SETX: variants seen among roughly 807,000 people sequenced by gnomAD.
The protein encoded by SETX is helicase senataxin.
SETX carries 90 observed loss-of-function variants against 227.2 expected under a neutral mutation model. The ratio of observed to expected loss-of-function variants is 0.40; its 90% CI spans 0.33 to 0.47. The LOEUF (loss-of-function observed/expected upper bound fraction) is 0.47. SETX is among the 20% of genes least tolerant of loss of function. The pLI is 0.91. For synonymous variants in SETX, 1,210 were observed against 1,113.2 expected, an observed-to-expected ratio of 1.09 and a Z score of -1.73; for missense variants, 3,052 against 3,181.5, an observed-to-expected ratio of 0.96 and a Z score of 0.98.
At chr9:132,268,961 T>C (rs1192388360) in intron 25 of SETX, among the ~76,000 whole-genome samples, 1 of 151,902 alleles carries the variant, frequency 6.6e-6, no homozygotes, top group Non-Finnish European at 1.5e-5. Flanking sequence ...AGCCACCAAG[T>C]TGGCTCTTCT....
chr9:132,267,761 T>G (rs1446689294), intron 25 of SETX, among the ~76,000 whole-genome samples: 1 of 152,190 alleles, frequency 6.6e-6, no homozygotes, highest in Non-Finnish European at 1.5e-5. Context: ...AAACGGAATG[T>G]GAAAAAGGGT....
chr9:132,327,266 A>T lies in SETX; in HGVS notation c.4332T>A (p.Ser1444=). The change falls in exon 10 of 26, where the codon TCT becomes TCA. Residue 1444 remains serine, a synonymous_variant. Coordinates refer to ENST00000224140, the MANE Select transcript of SETX (RefSeq NM_015046.7). ...TTGGTACTGTTCCATTTAACACTAC[A>T]GAATCACACTGGTTCAAAGGGCAAG... ...DDACPLNQCD[S]VVLNGTVPTN... is the part of the protein sequence containing the mutation. The T allele has an allele frequency of 1.2e-6, 2 of 1,614,212 alleles. No homozygotes were observed. Among genetic ancestry groups the T allele is most frequent in the Admixed American group, 1.7e-5 (1 of 60,030 alleles).
chr9:132,267,128 A>G (rs574528976), intron 25 of SETX, among the ~76,000 whole-genome samples: 39 of 152,378 alleles, frequency 2.6e-4, no homozygotes, highest in African/African-American at 9.4e-4. Context: ...ATAGTGGTGT[A>G]TATTATAATG....
intron 15 of SETX, among the ~76,000 whole-genome samples, chr9:132,292,611 A>G (rs1414374837): frequency 2.0e-5 from 3 of 151,402 alleles, no homozygotes; most frequent in Middle Eastern, 3.2e-3. Context: ...GAATAACAAA[A>G]AAGTTCCCAA....
chr9:132,319,912 C>T (rs1447699503), intron 10 of SETX, among the ~76,000 whole-genome samples: 1 of 152,048 alleles, frequency 6.6e-6, no homozygotes, highest in Non-Finnish European at 1.5e-5. Context: ...TCCATGCAAC[C>T]TACAATGACC....
Position 132,336,014 on chromosome 9 carries a change from G to C in SETX, c.718+282C>G, listed in dbSNP as rs928690287. Among the ~76,000 whole-genome samples, 5 of 152,092 alleles carry C rather than the reference G, an allele frequency of 3.3e-5. No individual in the cohort carries two copies. The South Asian group carries it at 6.2e-4, about 19-fold the overall frequency. ...CCCAGCACTTTAGGAGGCCAGGGTG[G>C]GCAGATCACTTGATGTCAGGAGTTC... On this transcript the variant is annotated intron_variant, in intron 6 of 25. Transcript: ENST00000224140.
chr9:132,289,381 TCTC>T (rs937082421), intron 15 of SETX, among the ~76,000 whole-genome samples: 5 of 152,170 alleles, frequency 3.3e-5, no homozygotes, highest in African/African-American at 1.2e-4. Flanking sequence ...GACACACGGC[TCTC>T]CTTTCACCAT....
At chr9:132,320,010 C>A (rs1846219474) in intron 10 of SETX, among the ~76,000 whole-genome samples, 1 of 152,134 alleles carries the variant, frequency 6.6e-6, no homozygotes, top group African/African-American at 2.4e-5. Context: ...CCACAACTGA[C>A]TGCAAAAAAT....
rs1171607089 is a variant in SETX at position 132,269,695 on chromosome 9, C to T, written c.7207G>A (p.Ala2403Thr). The T allele has an allele frequency of 6.2e-7, 1 of 1,614,066 alleles. No individual in the cohort carries two copies. The highest frequency in any genetic ancestry group is 1.1e-5 in the South Asian group (1 of 91,084). The change falls in exon 25 of 26, where the codon GCA (alanine) becomes ACA (threonine). Residue 2403 changes from alanine to threonine, a missense_variant. Transcript: ENST00000224140. ...NSIQGSIGFL[A>T]SLQRLNVTIT... The stretch of plus-strand genomic sequence containing the variant: ...GTGACATTCAATCTCTGCAAACTTG[C>T]CAGGAATCTAGGCAATAAAAAAAGA...
Position 132,346,011 on chromosome 9 carries a change from CCT to C in SETX, c.388+248_388+249del, listed in dbSNP as rs565101896. On this transcript the variant is annotated intron_variant, in intron 4 of 25. Transcript: ENST00000224140. ...TTCGGCCTAGGAGACACAGCAAGACCCTGTCTCTAAAAAAAAATAAAAACAAT... is the reference window on the plus strand; with the variant it reads ...TTCGGCCTAGGAGACACAGCAAGACCGTCTCTAAAAAAAAATAAAAACAAT... Among the ~76,000 whole-genome samples the C allele has an allele frequency of 1.0e-3, 155 of 152,086 alleles. 1 individual carries two copies. The highest frequency in any genetic ancestry group is 3.4e-3 in the Middle Eastern group (1 of 294).
At chr9:132,281,127 T>C (rs1843477549) in intron 20 of SETX, among the ~76,000 whole-genome samples, 1 of 152,230 alleles carries the variant, frequency 6.6e-6, no homozygotes, top group African/African-American at 2.4e-5. Flanking sequence ...TTGGTGTTTG[T>C]ATGATTAAAA....
chr9:132,309,133 A>C (rs758929296), intron 11 of SETX, among the ~76,000 whole-genome samples: 21 of 152,176 alleles, frequency 1.4e-4, no homozygotes, highest in Non-Finnish European at 2.5e-4. Flanking sequence ...GCAAGATTCC[A>C]TCTCAAAAAA....
chr9:132,319,701 C>T (rs1225983063), intron 10 of SETX, among the ~76,000 whole-genome samples: 1 of 152,178 alleles, frequency 6.6e-6, no homozygotes, highest in African/African-American at 2.4e-5. Flanking sequence ...TCATTTCTGC[C>T]TATTTGTTTC....
rs1311693903 is a variant in SETX, at chr9:132,328,809, C to G, written c.2789G>C (p.Ser930Thr). ...PESRDEEMSN[S>T]TSVIYSNLTR... ...CAAGTTAGAATAAATCACACTGGTA[C>G]TATTACTCATCTCCTCATCTCTTGA... The change falls in exon 10 of 26, where the codon AGT becomes ACT. Residue 930 changes from serine to threonine, a missense_variant. Ser to Thr is a moderately conservative substitution (Grantham distance 58). This residue lies in a region of SETX where 1,483 missense variants were observed against 1,312.0 expected (regional missense o/e 1.13). Transcript: ENST00000224140. 6.2e-7 allele frequency: 1 copy of G among 1,612,186 alleles called. No individual in the cohort carries two copies. Among genetic ancestry groups the G allele is most frequent in the African/African-American group, 1.3e-5 (1 of 74,958 alleles).
intron 23 of SETX, among the ~76,000 whole-genome samples, chr9:132,273,201 C>T (rs1178091086): frequency 2.0e-5 from 3 of 151,800 alleles, no homozygotes; most frequent in African/African-American, 7.3e-5. Flanking sequence ...TCGCTCTCGT[C>T]GCCCAGGCTG....
chr9:132,339,618 C>T (rs570170034), intron 5 of SETX, among the ~76,000 whole-genome samples: 38 of 152,130 alleles, frequency 2.5e-4, no homozygotes, highest in Non-Finnish European at 3.8e-4. Context: ...TATAGTACAA[C>T]TTTCCTTTTG....
Position 132,329,975 on chromosome 9 carries a change from A to G in SETX, c.1623T>C (p.Ser541=). The part of the protein sequence containing the change: ...VQLAYVQLIR[S]LLKEGYQLGQ... ...CAAGCTGATAACCTTCTTTAAGGAG[A>G]CTTCTAATCAGCTGCACATAAGCAA... The change falls in exon 10 of 26, where the codon AGT becomes AGC. Residue 541 remains serine (S), a synonymous_variant. Coordinates refer to ENST00000224140, the MANE Select transcript of SETX (RefSeq NM_015046.7). The G allele has an allele frequency of 1.2e-6, 2 of 1,614,064 alleles. No homozygotes were observed. Among genetic ancestry groups the G allele is most frequent in the Non-Finnish European group, 1.7e-6 (2 of 1,179,900 alleles).
intron 4 of SETX, among the ~76,000 whole-genome samples, chr9:132,345,855 A>G (rs898657359): frequency 6.6e-6 from 1 of 152,058 alleles, no homozygotes; most frequent in African/African-American, 2.4e-5. Context: ...TCTCTACAAT[A>G]AACACAACAT....
Position 132,349,313 on chromosome 9 carries a change from T to A in SETX, c.116A>T (p.Tyr39Phe), listed in dbSNP as rs1255659172. The change falls in exon 3 of 26, where the codon TAC (tyrosine) becomes TTC (phenylalanine). Residue 39 changes from tyrosine to phenylalanine, a missense_variant. Physicochemically the swap from Tyr to Phe is conservative, Grantham distance 22. Coordinates refer to ENST00000224140, the MANE Select transcript of SETX (RefSeq NM_015046.7). ...GTACTCAGCCACACACTCCAAGCAGTAGCAGAGGTCTTCGTCGGCTGTTTG... is the reference window on the plus strand; with the variant it reads ...GTACTCAGCCACACACTCCAAGCAGAAGCAGAGGTCTTCGTCGGCTGTTTG... ...EFQTADEDLCYCLECVAEYHK... is the reference protein window; with the variant it reads ...EFQTADEDLCFCLECVAEYHK... 2 of 1,613,976 alleles carry A rather than the reference T, an allele frequency of 1.2e-6. No homozygotes were observed. Among genetic ancestry groups the A allele is most frequent in the African/African-American group, 2.7e-5 (2 of 74,900 alleles).
Sources: allele counts gnomAD v4.1 joint callset (sites outside exome capture counted in the v4.1 genomes callset), GRCh38; gene constraint gnomAD v4.1.1; regional missense constraint gnomAD v4.1.1; transcripts MANE v1.5; gene names NCBI Gene and HGNC (gene_info 2026-07-23, HGNC 2026-07-21).